HMGN5: variants seen among roughly 807,000 people sequenced by gnomAD.
HMGN5 encodes high mobility group nucleosome-binding domain-containing protein 5.
HMGN5 carries 4 observed loss-of-function variants against 9.5 expected under a neutral mutation model. That is an observed-to-expected ratio of 0.42 (90% CI 0.21 to 0.96). The LOEUF is 0.96. HMGN5 is among the 40% of genes least tolerant of loss of function. The pLI is 0.30. For synonymous variants in HMGN5, 55 were observed against 57.1 expected (o/e 0.96, Z 0.16); for missense variants, 192 against 187.5 (o/e 1.02, Z -0.14).
At chrX:81,161,182 T>C (rs1405535915) in intron 1 of HMGN5, among the ~76,000 whole-genome samples, 2 of 110,657 alleles carry the variant, frequency 1.8e-5, no homozygotes, top group South Asian at 7.5e-4. Context: ...TGATCTGATG[T>C]TCCAAGTTGT....
rs1352923629 is a variant in HMGN5, at chrX:81,118,714, T to C, written c.75+16A>G. On this transcript the variant is annotated intron_variant, in intron 4 of 6. Transcript: ENST00000358130. ...GTTTCACAATACATGGGCTGCTTTTTGAAAAGATTACTTACAGCAGACAAC... is the reference window on the plus strand; with the variant it reads ...GTTTCACAATACATGGGCTGCTTTTCGAAAAGATTACTTACAGCAGACAAC... 15 of 1,188,024 alleles carry C rather than the reference T, an allele frequency of 1.3e-5. No homozygotes were observed. Among genetic ancestry groups the C allele is most frequent in the Non-Finnish European group, 1.5e-5 (13 of 881,456 alleles).
intron 1 of HMGN5, among the ~76,000 whole-genome samples, chrX:81,123,957 T>C (rs1253421767): frequency 8.9e-6 from 1 of 111,736 alleles, no homozygotes; most frequent in Non-Finnish European, 1.9e-5. Context: ...CAGGAAAAGG[T>C]TGTACTTGTT....
At chrX:81,171,325 C>T (rs1323641225) in intron 1 of HMGN5, among the ~76,000 whole-genome samples, 2 of 111,327 alleles carry the variant, frequency 1.8e-5, no homozygotes, top group African/African-American at 3.3e-5. Context: ...GAAGTTAACA[C>T]CTGAAAATAT....
intron 1 of HMGN5, among the ~76,000 whole-genome samples, chrX:81,129,571 T>G (rs766316899): frequency 2.7e-5 from 3 of 111,509 alleles, no homozygotes; most frequent in African/African-American, 9.7e-5. Context: ...TTACTTCTGG[T>G]TGTGTTTTCC....
intron 1 of HMGN5, among the ~76,000 whole-genome samples, chrX:81,194,189 T>A (rs1417165964): frequency 8.9e-6 from 1 of 112,019 alleles, no homozygotes; most frequent in Admixed American, 9.5e-5. Flanking sequence ...AATGTAGATC[T>A]AAATGTAAAA....
intron 1 of HMGN5, among the ~76,000 whole-genome samples, chrX:81,188,265 ATT>A (rs1446868425): frequency 9.3e-5 from 1 of 10,724 alleles, no homozygotes; most frequent in Non-Finnish European, 2.6e-4. Context: ...TGCACAGAAT[ATT>A]ATTATTATTA....
intron 1 of HMGN5, among the ~76,000 whole-genome samples, chrX:81,147,800 C>T (rs1188955896): frequency 8.9e-6 from 1 of 111,821 alleles, no homozygotes; most frequent in African/African-American, 3.3e-5. Flanking sequence ...GATACAAAAT[C>T]GATGTGCAAA....
intron 1 of HMGN5, among the ~76,000 whole-genome samples, chrX:81,138,901 ATATT>A (rs748327135): frequency 5.4e-5 from 6 of 111,835 alleles, no homozygotes; most frequent in Non-Finnish European, 1.1e-4. Context: ...AGAAAATAAA[ATATT>A]TAGGTATATA....
intron 5 of HMGN5, among the ~76,000 whole-genome samples, chrX:81,117,960 C>A (rs1265321807): frequency 1.8e-5 from 2 of 110,216 alleles, no homozygotes; most frequent in African/African-American, 6.6e-5. Context: ...TAAGTCCATA[C>A]AAAATCAATT....
At chrX:81,130,802 G>T (rs1215940376) in intron 1 of HMGN5, among the ~76,000 whole-genome samples, 2 of 110,902 alleles carry the variant, frequency 1.8e-5, no homozygotes, top group Non-Finnish European at 3.8e-5. Context: ...TCTGTATCAG[G>T]CTCTAAGGAT....
chrX:81,188,125 G>A (rs2075482608), intron 1 of HMGN5, among the ~76,000 whole-genome samples: 1 of 108,631 alleles, frequency 9.2e-6, no homozygotes, highest in Admixed American at 9.9e-5. Flanking sequence ...TTGAGACAGA[G>A]TCTCACTCTG....
At chrX:81,198,293 G>GA (rs1015803352) in intron 1 of HMGN5, among the ~76,000 whole-genome samples, 2 of 111,170 alleles carry the variant, frequency 1.8e-5, no homozygotes, top group African/African-American at 6.5e-5. Flanking sequence ...GTTTTAGGAT[G>GA]AAAAAATTGC....
chrX:81,146,024 G>C (rs2075342567), intron 1 of HMGN5, among the ~76,000 whole-genome samples: 1 of 111,050 alleles, frequency 9.0e-6, no homozygotes, highest in Non-Finnish European at 1.9e-5. Context: ...GACCTACAAA[G>C]AGACTTAGAC....
chrX:81,134,598 C>A (rs2075306616), intron 1 of HMGN5, among the ~76,000 whole-genome samples: 1 of 111,149 alleles, frequency 9.0e-6, no homozygotes. Context: ...ACTCCCTCCC[C>A]CAATGTATCT....
chrX:81,188,557 A>G (rs2075484849), intron 1 of HMGN5, among the ~76,000 whole-genome samples: 2 of 109,638 alleles, frequency 1.8e-5, no homozygotes, highest in African/African-American at 6.7e-5. Flanking sequence ...TACATGTGCC[A>G]TGTTCGTTTG....
chrX:81,143,011 GT>G (rs774858132), intron 1 of HMGN5, among the ~76,000 whole-genome samples: 4 of 111,583 alleles, frequency 3.6e-5, no homozygotes, highest in Non-Finnish European at 5.7e-5. Context: ...GTTTTTATTA[GT>G]TTTTTTAATT....
At chrX:81,197,126 A>G (rs1291295108) in intron 1 of HMGN5, among the ~76,000 whole-genome samples, 1 of 112,571 alleles carries the variant, frequency 8.9e-6, no homozygotes, top group African/African-American at 3.2e-5. Context: ...CCACTTAAAT[A>G]TAAATATTAA....
chrX:81,191,044 C>T (rs12391499), intron 1 of HMGN5, among the ~76,000 whole-genome samples: 2,146 of 111,344 alleles, frequency 0.019, 47 homozygotes, highest in African/African-American at 0.066. Context: ...TTTTATTTAT[C>T]TTAAATGGTA....
In HMGN5 at chrX:81,118,501, G is replaced by A. The variant is rs1225816333; in HGVS notation, c.76-16C>T. The A allele has an allele frequency of 2.6e-6, 3 of 1,146,122 alleles. No individual in the cohort carries two copies. Among genetic ancestry groups the A allele is most frequent in the Non-Finnish European group, 1.2e-6 (1 of 851,617 alleles). 94.5% of individuals were successfully genotyped at this position (1,146,122 alleles called of 1,213,427 possible). A position where few individuals can be genotyped will look rare whatever the true frequency, so the allele number is the denominator to read the frequency against. Reference sequence around the variant, plus strand: ...GCACAAGCATCTGCTTCAAGTTGTGGGAAAAGAAAAGAAAAGGAAAAAAAT... The same window carrying A: ...GCACAAGCATCTGCTTCAAGTTGTGAGAAAAGAAAAGAAAAGGAAAAAAAT... On this transcript the variant is annotated splice_polypyrimidine_tract_variant and intron_variant, in intron 4 of 6. Transcript: ENST00000358130.
Sources: gnomAD v4.1 joint callset for allele counts (sites outside exome capture counted in the v4.1 genomes callset) on GRCh38, gnomAD v4.1.1 for gene constraint, MANE v1.5 for transcripts, NCBI Gene and HGNC (gene_info 2026-07-23, HGNC 2026-07-21) for gene names.